The following XIRP2 variants were observed in gnomAD, a reference collection of about 807,000 sequenced individuals.
The protein encoded by XIRP2 is xin actin binding repeat containing 2, also known as xin actin-binding repeat-containing protein 2.
Under a neutral mutation model 277.0 loss-of-function variants are expected in XIRP2, and 236 were observed. The ratio of observed to expected loss-of-function variants is 0.85; its 90% CI spans 0.77 to 0.95. XIRP2 has a LOEUF of 0.95. Among genes scored for constraint, XIRP2 ranks in the 40% least tolerant of loss-of-function variants. The probability of loss-of-function intolerance (pLI) is 0.00; values close to 1 mark genes in which losing one functional copy is unlikely to be tolerated. For synonymous variants in XIRP2, 1,490 were observed against 1,416.5 expected (o/e 1.05, Z -1.17); for missense variants, 4,640 against 4,157.5 (o/e 1.12, Z -3.19).
At chr2:166,960,103 C>T (rs1414830943) in intron 2 of XIRP2, among the ~76,000 whole-genome samples, 4 of 151,672 alleles carry the variant, frequency 2.6e-5, no homozygotes, top group African/African-American at 9.7e-5. Context: ...CAATAAACTC[C>T]ATTTTGTTCT....
In XIRP2 at chr2:167,246,934, C is replaced by T; in HGVS notation, c.5542C>T (p.Leu1848Phe). 6.2e-7 allele frequency: 1 copy of T among 1,613,412 alleles called. No homozygotes were observed. Among genetic ancestry groups the T allele is most frequent in the Non-Finnish European group, 8.5e-7 (1 of 1,179,790 alleles). The change falls in exon 9 of 11, where the codon CTC becomes TTC. Residue 1848 changes from leucine (L) to phenylalanine (F), a missense_variant. Leu to Phe is a conservative substitution (Grantham distance 22). Transcript: ENST00000409195. ...KGDLTSTLNS[L>F]SQAVNQKTVT... ...TGATTTGACATCAACCCTAAATTCC[C>T]TCAGCCAGGCTGTAAATCAGAAAAC...
chr2:167,212,947 A>T, intron 4 of XIRP2, among the ~76,000 whole-genome samples: 1 of 132,710 alleles, frequency 7.5e-6, no homozygotes, highest in South Asian at 2.6e-4. Context: ...AAAAATCATG[A>T]AAACTGCCTG....
chr2:167,106,490 A>T (rs778631577), intron 2 of XIRP2, among the ~76,000 whole-genome samples: 40 of 151,614 alleles, frequency 2.6e-4, no homozygotes, highest in Non-Finnish European at 4.6e-4. Context: ...TATTTATGTG[A>T]CCTTTTTCCG....
chr2:166,941,734 A>G (rs936125399), intron 2 of XIRP2, among the ~76,000 whole-genome samples: 1 of 152,206 alleles, frequency 6.6e-6, no homozygotes, highest in African/African-American at 2.4e-5. Context: ...CAACTATAAA[A>G]TATTTGAAAA....
intron 2 of XIRP2, among the ~76,000 whole-genome samples, chr2:167,088,057 A>G (rs920841602): frequency 3.3e-5 from 5 of 152,180 alleles, no homozygotes; most frequent in African/African-American, 1.2e-4. Flanking sequence ...AGTGGCCACT[A>G]TTAATTTCTG....
intron 2 of XIRP2, among the ~76,000 whole-genome samples, chr2:166,918,708 TAA>T (rs1239210100): frequency 6.6e-6 from 1 of 152,124 alleles, no homozygotes; most frequent in Non-Finnish European, 1.5e-5. Flanking sequence ...GGAAAGGTGG[TAA>T]AAGTCAAATA....
In XIRP2 at chr2:167,246,668, A is replaced by C. The variant is rs774388476; in HGVS notation, c.5276A>C (p.Lys1759Thr). Residue 1759 changes from lysine to threonine, a missense_variant, in exon 9 of 11, where the codon AAA becomes ACA. Transcript: ENST00000409195. ...GAAGCTGGAGCTTTGGATTATCTGA[A>C]ACAACTCCACACAGAGTCAAATGAA... The part of the protein sequence containing the change: ...CIEAGALDYL[K>T]QLHTESNETL... 1 of 1,613,688 alleles carries C rather than the reference A, an allele frequency of 6.2e-7. No individual in the cohort carries two copies. Among genetic ancestry groups the C allele is most frequent in the Non-Finnish European group, 8.5e-7 (1 of 1,179,838 alleles).
intron 2 of XIRP2, among the ~76,000 whole-genome samples, chr2:167,116,655 T>C (rs1285079428): frequency 6.6e-6 from 1 of 152,230 alleles, no homozygotes; most frequent in Non-Finnish European, 1.5e-5. Flanking sequence ...TTAGACTTTG[T>C]GTTTGAATTT....
chr2:167,231,900 C>T (rs140739740), intron 5 of XIRP2, among the ~76,000 whole-genome samples: 2 of 152,030 alleles, frequency 1.3e-5, no homozygotes, highest in African/African-American at 2.4e-5. Context: ...TGTCTGGGGC[C>T]GGTGGCAGCA....
chr2:166,932,780 G>A (rs951139380), intron 2 of XIRP2, among the ~76,000 whole-genome samples: 17 of 152,038 alleles, frequency 1.1e-4, no homozygotes, highest in South Asian at 2.1e-4. Context: ...CAACACCACC[G>A]CTTGAAAAGA....
intron 2 of XIRP2, among the ~76,000 whole-genome samples, chr2:166,963,583 G>A (rs928299789): frequency 6.6e-6 from 1 of 151,836 alleles, no homozygotes; most frequent in African/African-American, 2.4e-5. Flanking sequence ...AGGTTGCAAT[G>A]TCACCAATGT....
chr2:167,014,772 C>T (rs1357005829), intron 2 of XIRP2, among the ~76,000 whole-genome samples: 1 of 151,728 alleles, frequency 6.6e-6, no homozygotes, highest in Admixed American at 6.6e-5. Context: ...TATTGTGTGC[C>T]ATTTCCTGTG....
At chr2:167,094,416 C>G (rs1420720426) in intron 2 of XIRP2, among the ~76,000 whole-genome samples, 5 of 152,136 alleles carry the variant, frequency 3.3e-5, no homozygotes, top group Non-Finnish European at 2.9e-5. Flanking sequence ...ATGGTATTGC[C>G]TAGGTTTTCT....
In XIRP2 at chr2:167,258,781, T is replaced by G; in HGVS notation, c.*964T>G. ...CGAGTGAAGCAAATGACACTGCAAATGAATATGAAATTGAGAAGTTAGAAA... is the reference window on the plus strand; with the variant it reads ...CGAGTGAAGCAAATGACACTGCAAAGGAATATGAAATTGAGAAGTTAGAAA... On this transcript the variant is annotated 3_prime_UTR_variant, in exon 11 of 11. Coordinates refer to ENST00000409195, the MANE Select transcript of XIRP2 (RefSeq NM_152381.6). 1 of 1,613,306 alleles carries G rather than the reference T, an allele frequency of 6.2e-7. No individual in the cohort carries two copies. Among genetic ancestry groups the G allele is most frequent in the East Asian group, 2.2e-5 (1 of 44,822 alleles).
Position 167,250,916 on chromosome 2 carries a change from C to G in XIRP2, c.9524C>G (p.Pro3175Arg). Residue 3175 changes from proline to arginine, a missense_variant, in exon 9 of 11, where the codon CCC becomes CGC. Physicochemically the swap from Pro to Arg is moderately radical, Grantham distance 103 (BLOSUM62 -2). Transcript: ENST00000409195. ...AGAGCAAACACTTCCCCTTCTCCAC[C>G]CAGGAGTCGCTCTGAACAACTTGTC... ...IHRANTSPSP[P>R]RSRSEQLVRL... 6.2e-7 allele frequency: 1 copy of G among 1,613,244 alleles called. No homozygotes were observed. The highest frequency in any genetic ancestry group is 8.5e-7 in the Non-Finnish European group (1 of 1,179,678).
Position 167,250,714 on chromosome 2 carries a change from A to G in XIRP2, c.9322A>G (p.Asn3108Asp). The G allele has an allele frequency of 6.2e-7, 1 of 1,613,660 alleles. No homozygotes were observed. The highest frequency in any genetic ancestry group is 8.5e-7 in the Non-Finnish European group (1 of 1,179,750). ...TCAGGAAATTAAACTTGATGATAGC[A>G]ACATTCCTCCTCCCTCTTTAAAAAC... is the stretch of plus-strand genomic sequence containing the variant. ...THQEIKLDDSNIPPPSLKTRP... is the reference protein window; with the variant it reads ...THQEIKLDDSDIPPPSLKTRP... The change falls in exon 9 of 11, where the codon AAC becomes GAC. Residue 3108 changes from asparagine to aspartate, a missense_variant. Asn to Asp is a conservative substitution (Grantham distance 23). Transcript: ENST00000409195.
intron 2 of XIRP2, among the ~76,000 whole-genome samples, chr2:167,121,005 C>A (rs1226597433): frequency 2.0e-5 from 3 of 152,026 alleles, no homozygotes; most frequent in African/African-American, 7.2e-5. Context: ...CATATTCATT[C>A]AAAAGTGAGT....
chr2:166,995,963 T>C (rs572974781), intron 2 of XIRP2, among the ~76,000 whole-genome samples: 1 of 152,282 alleles, frequency 6.6e-6, no homozygotes, highest in East Asian at 1.9e-4. Flanking sequence ...GCACCTAAAT[T>C]AACTCTACTT....
intron 2 of XIRP2, among the ~76,000 whole-genome samples, chr2:166,966,758 T>C (rs1313337069): frequency 1.3e-5 from 2 of 152,022 alleles, no homozygotes; most frequent in Non-Finnish European, 2.9e-5. Flanking sequence ...AAAGCTCTCC[T>C]AGTGTTCTGA....
Sources: allele counts gnomAD v4.1 joint callset (sites outside exome capture counted in the v4.1 genomes callset), GRCh38; gene constraint gnomAD v4.1.1; transcripts MANE v1.5; gene names NCBI Gene and HGNC (gene_info 2026-07-23, HGNC 2026-07-21).